EPN1: variants seen among roughly 807,000 people sequenced by gnomAD.
EPN1 encodes epsin-1.
In EPN1, 25 loss-of-function variants were observed where a neutral mutation model predicts 56.9. That is an observed-to-expected ratio of 0.44 (90% confidence interval 0.32 to 0.61). EPN1 has a LOEUF of 0.61. EPN1 is among the 20% of genes least tolerant of loss of function. The pLI is 0.05. For missense variants in EPN1, 785 were observed against 823.7 expected (o/e 0.95, Z 0.58); for synonymous variants, 411 against 361.8 (o/e 1.14, Z -1.54).
Position 55,699,514 on chromosome 19 carries a change from TC to T in EPN1, c.*4159del, listed in dbSNP as rs1218771059. On this transcript the variant is annotated 3_prime_UTR_variant, in exon 11 of 11. Transcript: ENST00000270460. ...TCACATCACAGGTGCCCCTGGAGTTTCTCAAACTGCAGCCCAAGGATTGGCT... is the reference window on the plus strand; with the variant it reads ...TCACATCACAGGTGCCCCTGGAGTTTTCAAACTGCAGCCCAAGGATTGGCT... The T allele has an allele frequency of 6.6e-6, 1 of 152,214 alleles. No individual in the cohort carries two copies. The highest frequency in any genetic ancestry group is 1.9e-4 in the East Asian group (1 of 5,194). The allele number at this position is 152,214 out of a possible 1,614,324, so 9.4% of individuals were successfully genotyped here.
At chr19:55,675,600 G>C (rs1985343731) in intron 1 of EPN1, among the ~76,000 whole-genome samples, 165 bp downstream of exon 1, 2 of 152,190 alleles carry the variant, frequency 1.3e-5, no homozygotes, top group African/African-American at 4.8e-5. Flanking sequence ...TCGGTTGTCT[G>C]TGTCTGTCTC....
At chr19:55,677,403 C>G in intron 1 of EPN1, 1 of 653,380 alleles carries the variant, frequency 1.5e-6, no homozygotes, top group Non-Finnish European at 2.7e-6. Context: ...TTGCTTGACT[C>G]TCTTGTTTCT....
chr19:55,683,130 A>C (rs182434615), intron 2 of EPN1, among the ~76,000 whole-genome samples: 2 of 151,794 alleles, frequency 1.3e-5, no homozygotes, highest in Non-Finnish European at 2.9e-5. Flanking sequence ...ATCTTGGCTC[A>C]CTGCAACCTC....
chr19:55,683,811 G>A (rs1985987862), intron 2 of EPN1, among the ~76,000 whole-genome samples: 1 of 152,250 alleles, frequency 6.6e-6, no homozygotes, highest in Admixed American at 6.5e-5. Context: ...AAACGAAAGT[G>A]TTTCATGATC....
At position 55,695,753 on chromosome 19, in the gene EPN1, C is replaced by G. The variant is rs916410150; in HGVS notation, c.*397C>G. 5.4e-6 allele frequency: 1 copy of G among 185,876 alleles called. No homozygotes were observed. The highest frequency in any genetic ancestry group is 1.1e-5 in the Non-Finnish European group (1 of 89,958). 11.5% of individuals were successfully genotyped at this position (185,876 alleles called of 1,614,324 possible). On this transcript the variant is annotated 3_prime_UTR_variant, in exon 11 of 11. Coordinates refer to ENST00000270460, the MANE Select transcript of EPN1 (RefSeq NM_001130072.2). The surrounding 1 kb of genome is among the most constrained non-coding windows in gnomAD (Gnocchi z 4.4). ...GCAACTTTGGGAATAAATGGCAATT[C>G]CCACGGGCTTGGCACTCCCAGATTC... is the stretch of plus-strand genomic sequence containing the variant.
chr19:55,683,880 T>C (rs1395045601), intron 2 of EPN1, among the ~76,000 whole-genome samples: 2 of 152,216 alleles, frequency 1.3e-5, no homozygotes, highest in Non-Finnish European at 2.9e-5. Context: ...TGTCTGTTGG[T>C]CCCACAGTAG....
intron 3 of EPN1, among the ~76,000 whole-genome samples, chr19:55,687,165 C>T (rs889331439): frequency 6.6e-6 from 1 of 152,210 alleles, no homozygotes. Context: ...TTGGTGCATT[C>T]TTTTCATTTC....
At position 55,688,900 on chromosome 19, in the gene EPN1, C is replaced by A. The variant is rs548065250; in HGVS notation, c.509C>A (p.Pro170His). ...TCAGCAGCTGTGGGCTCAGGCCCCCCTCCCGAGGCGGAGCAGGCGTGGCCG... is the reference window on the plus strand; with the variant it reads ...TCAGCAGCTGTGGGCTCAGGCCCCCATCCCGAGGCGGAGCAGGCGTGGCCG... ...ASSAAVGSGPPPEAEQAWPQS... is the reference protein window; with the variant it reads ...ASSAAVGSGPHPEAEQAWPQS... The change falls in exon 4 of 11, where the codon CCT becomes CAT. Residue 170 changes from proline to histidine, a missense_variant. Pro to His is a moderately conservative substitution (Grantham distance 77). Coordinates refer to ENST00000270460, the MANE Select transcript of EPN1 (RefSeq NM_001130072.2). 56 of 1,581,492 alleles carry A rather than the reference C, an allele frequency of 3.5e-5. No homozygotes were observed. In the East Asian group the frequency reaches 9.2e-4, roughly 26 times the overall value.
chr19:55,692,796 G>T lies in EPN1; in HGVS notation c.1177G>T (p.Ala393Ser). 1 of 1,596,742 alleles carries T rather than the reference G, an allele frequency of 6.3e-7. No homozygotes were observed. The highest frequency in any genetic ancestry group is 8.5e-7 in the Non-Finnish European group (1 of 1,170,634). Residue 393 changes from alanine to serine, a missense_variant and splice_region_variant, in exon 8 of 11, where the codon GCA becomes TCA. Around this residue, in one of 2 missense-constraint regions of EPN1, gnomAD observed 650 missense variants for 605.0 expected, o/e 1.07. Coordinates refer to ENST00000270460, the MANE Select transcript of EPN1 (RefSeq NM_001130072.2). ...PAKPSTNGTTAAGGFDTEPDE... is the reference protein window; with the variant it reads ...PAKPSTNGTTSAGGFDTEPDE... ...CAAGCCCAGCACCAATGGCACAACAGGTACTGGAATGGGGGTGGGAATGGA... is the reference window on the plus strand; with the variant it reads ...CAAGCCCAGCACCAATGGCACAACATGTACTGGAATGGGGGTGGGAATGGA...
At chr19:55,683,684 G>T (rs900217238) in intron 2 of EPN1, among the ~76,000 whole-genome samples, 2 of 152,254 alleles carry the variant, frequency 1.3e-5, no homozygotes, top group Non-Finnish European at 2.9e-5. Context: ...GTATGTGGTA[G>T]TCCCGCTGTG....
rs1274871359 is a variant in EPN1 at position 55,675,292 on chromosome 19, C to A, written c.-245C>A. On this transcript the variant is annotated 5_prime_UTR_variant, in exon 1 of 11. Transcript: ENST00000270460. ...GGCTCTCCGCGCCCCTTCTGGGCGG[C>A]GGGGCGGCGGAGCCGTCGGCGTGCG... is the stretch of plus-strand genomic sequence containing the variant. The A allele has an allele frequency of 6.6e-6, 1 of 152,036 alleles. No homozygotes were observed. The highest frequency in any genetic ancestry group is 1.5e-5 in the Non-Finnish European group (1 of 67,976). 9.4% of individuals were successfully genotyped at this position (152,036 alleles called of 1,614,324 possible).
At position 55,679,358 on chromosome 19, in the gene EPN1, C is replaced by T. The variant is rs141055892; in HGVS notation, c.228+503C>T. Among the ~76,000 whole-genome samples the T allele has an allele frequency of 8.1e-4, 123 of 152,342 alleles. 1 individual carries two copies. Among genetic ancestry groups the T allele is most frequent in the East Asian group, 3.5e-3 (18 of 5,182 alleles). On this transcript the variant is annotated intron_variant, in intron 2 of 10. Coordinates refer to ENST00000270460, the MANE Select transcript of EPN1 (RefSeq NM_001130072.2). ...TTTGGTCTTTGGTTACTGTGTTCCTCGTGTTACGGCAAAGTGGCCAAGGAC... is the reference window on the plus strand; with the variant it reads ...TTTGGTCTTTGGTTACTGTGTTCCTTGTGTTACGGCAAAGTGGCCAAGGAC...
chr19:55,685,069 G>T (rs920047813), intron 2 of EPN1, among the ~76,000 whole-genome samples: 1 of 152,162 alleles, frequency 6.6e-6, no homozygotes, highest in Non-Finnish European at 1.5e-5. Flanking sequence ...TCCACCCCTG[G>T]CAACCCACAA....
chr19:55,679,067 G>A (rs1167542358), intron 2 of EPN1, among the ~76,000 whole-genome samples: 4 of 152,238 alleles, frequency 2.6e-5, no homozygotes, highest in Admixed American at 1.3e-4. Flanking sequence ...TGAGTGGTGC[G>A]TACGTAAGAT....
intron 2 of EPN1, among the ~76,000 whole-genome samples, chr19:55,679,979 A>G (rs1274507648): frequency 6.6e-6 from 1 of 152,162 alleles, no homozygotes; most frequent in Non-Finnish European, 1.5e-5. Context: ...CCCCAGACGC[A>G]CATCCTTCCT....
chr19:55,682,620 C>T (rs781082988), intron 2 of EPN1, among the ~76,000 whole-genome samples: 2 of 151,872 alleles, frequency 1.3e-5, no homozygotes, highest in Non-Finnish European at 2.9e-5. Context: ...TTTTTTAGAG[C>T]TGGGGTTTTG....
intron 1 of EPN1, among the ~76,000 whole-genome samples, chr19:55,676,279 G>A (rs183034886): frequency 1.1e-3 from 171 of 151,786 alleles, no homozygotes; most frequent in African/African-American, 3.8e-3. Flanking sequence ...TTAGATATCG[G>A]TCGGTTATTG....
chr19:55,688,978 A>G lies in EPN1; in HGVS notation c.587A>G (p.Lys196Arg), dbSNP rs948636430. The G allele has an allele frequency of 1.3e-6, 2 of 1,599,310 alleles. No individual in the cohort carries two copies. Among genetic ancestry groups the G allele is most frequent in the African/African-American group, 1.3e-5 (1 of 74,244 alleles). The change falls in exon 4 of 11, where the codon AAG becomes AGG. Residue 196 changes from lysine (K) to arginine (R), a missense_variant. Coordinates refer to ENST00000270460, the MANE Select transcript of EPN1 (RefSeq NM_001130072.2). ...LQLQLALAMS[K>R]EEADQPPSCG... The stretch of plus-strand genomic sequence containing the variant: ...CTCCAGCTGGCCCTGGCCATGAGCA[A>G]GGAGGAGGCCGACCAGGTACTGGGC...
rs752369708 is a variant in EPN1, at chr19:55,678,595, G to A, written c.-33G>A. 1.9e-6 allele frequency: 3 copies of A among 1,582,804 alleles called. No individual in the cohort carries two copies. In the East Asian group the frequency reaches 6.9e-5, roughly 37 times the overall value. Reference sequence around the variant, plus strand: ...TCGCCCCATCTCTCCACGCATCGGGGCCCTGTGCCCCTTGCTGCTGCAGCC... The same window carrying A: ...TCGCCCCATCTCTCCACGCATCGGGACCCTGTGCCCCTTGCTGCTGCAGCC... On this transcript the variant is annotated 5_prime_UTR_variant, in exon 2 of 11. Transcript: ENST00000270460.
Sources: gnomAD v4.1 joint callset for allele counts (sites outside exome capture counted in the v4.1 genomes callset) on GRCh38, gnomAD v4.1.1 for gene constraint, gnomAD v4.1.1 regional missense constraint, Gnocchi (gnomAD v3.1) non-coding constraint, MANE v1.5 for transcripts, NCBI Gene and HGNC (gene_info 2026-07-23, HGNC 2026-07-21) for gene names.